The following MLKL variants were observed in gnomAD, a reference collection of about 807,000 sequenced individuals.
MLKL encodes mixed lineage kinase domain-like protein.
In MLKL, 55 loss-of-function variants were observed where a neutral mutation model predicts 56.5. That is an observed-to-expected ratio of 0.97 (90% CI 0.78 to 1.22). The LOEUF (loss-of-function observed/expected upper bound fraction) is 1.22, where lower values mean the gene tolerates loss of function less well. Ranked by LOEUF, MLKL falls within the 50% of genes most tolerant of loss-of-function variation. The pLI is 0.00. For synonymous variants in MLKL, 251 were observed against 208.3 expected, an observed-to-expected ratio of 1.20 and a Z score of -1.76; for missense variants, 694 against 573.9, an observed-to-expected ratio of 1.21 and a Z score of -2.14.
At chr16:74,673,828 C>G (rs1246268865) in intron 10 of MLKL, among the ~76,000 whole-genome samples, 1 of 151,828 alleles carries the variant, frequency 6.6e-6, no homozygotes, top group African/African-American at 2.4e-5. Context: ...GTTGTCCTAG[C>G]TACTCTAGAG....
In MLKL at chr16:74,672,322, T is replaced by C. The variant is rs1217739680; in HGVS notation, c.*182A>G. The C allele has an allele frequency of 7.4e-6, 4 of 542,170 alleles. No individual in the cohort carries two copies. The highest frequency in any genetic ancestry group is 5.6e-5 in the African/African-American group (3 of 53,532). The allele number at this position is 542,170 out of a possible 1,614,324, so 33.6% of individuals were successfully genotyped here. A position where few individuals can be genotyped will look rare whatever the true frequency, so the allele number is the denominator to read the frequency against. ...ACTGTCAGAGGTATGTTTTTGGAAATATCATTTGGAGTGGGATGTGTCCTG... is the reference window on the plus strand; with the variant it reads ...ACTGTCAGAGGTATGTTTTTGGAAACATCATTTGGAGTGGGATGTGTCCTG... On this transcript the variant is annotated 3_prime_UTR_variant, in exon 11 of 11. Transcript: ENST00000308807.
At chr16:74,697,417 G>A (rs1467586127) in intron 1 of MLKL, among the ~76,000 whole-genome samples, 3 of 152,036 alleles carry the variant, frequency 2.0e-5, no homozygotes, top group Admixed American at 6.6e-5. Flanking sequence ...TGCTTTATTT[G>A]CAACTGAAGC....
intron 5 of MLKL, among the ~76,000 whole-genome samples, chr16:74,683,394 G>C (rs188549522): frequency 6.6e-6 from 1 of 151,578 alleles, no homozygotes; most frequent in Admixed American, 6.6e-5. Context: ...CCAGGAGTTC[G>C]AGACCAGCCT....
chr16:74,683,292 CA>C (rs35354922), intron 5 of MLKL, among the ~76,000 whole-genome samples: 3,347 of 131,094 alleles, frequency 0.026, 60 homozygotes, highest in African/African-American at 0.051. Context: ...CACTACATCT[CA>C]AAAAAAAAAA....
intron 10 of MLKL, 52 bp from the exon 11 acceptor site, chr16:74,672,590 G>C: frequency 4.6e-6 from 7 of 1,527,176 alleles, no homozygotes; most frequent in Non-Finnish European, 5.4e-6. Flanking sequence ...TGAGAGCCAA[G>C]TTAGAAACAC....
chr16:74,682,082 C>A (rs921556699), intron 6 of MLKL, among the ~76,000 whole-genome samples: 11 of 144,558 alleles, frequency 7.6e-5, no homozygotes, highest in Non-Finnish European at 1.4e-4. Context: ...CTTATCTCTA[C>A]AAAAAATATA....
chr16:74,672,692 G>T (rs1959305547), intron 10 of MLKL, among the ~76,000 whole-genome samples, 154 bp from the exon 11 acceptor site: 1 of 152,184 alleles, frequency 6.6e-6, no homozygotes, highest in South Asian at 2.1e-4. Flanking sequence ...ACACATTTGG[G>T]ATATAAAGTT....
In MLKL at chr16:74,691,204, A is replaced by G. The variant is rs1657704954; in HGVS notation, c.722+73T>C. The G allele has an allele frequency of 2.1e-6, 3 of 1,401,996 alleles. No homozygotes were observed. The South Asian group carries it at 4.2e-5, about 20-fold the overall frequency. The allele number at this position is 1,401,996 out of a possible 1,614,324, so 86.8% of individuals were successfully genotyped here. Reference sequence around the variant, plus strand: ...CAGGCTTCCTCATCTAAAAATGGAGACGATATCCCTCTCTCCTTGGAGAGT... The same window carrying G: ...CAGGCTTCCTCATCTAAAAATGGAGGCGATATCCCTCTCTCCTTGGAGAGT... On this transcript the variant is annotated intron_variant, in intron 4 of 10. Transcript: ENST00000308807.
intron 1 of MLKL, among the ~76,000 whole-genome samples, chr16:74,697,897 T>A (rs1961143997): frequency 6.6e-6 from 1 of 152,024 alleles, no homozygotes; most frequent in Non-Finnish European, 1.5e-5. Context: ...ATGGAACCAG[T>A]TTTCAAAGTA....
At chr16:74,689,273 C>A (rs1567613283) in intron 4 of MLKL, among the ~76,000 whole-genome samples, 4 of 151,978 alleles carry the variant, frequency 2.6e-5, no homozygotes, top group Admixed American at 1.3e-4. Flanking sequence ...TGCCACCATG[C>A]CCAGCTAATT....
chr16:74,685,472 G>T lies in MLKL; in HGVS notation c.820+14C>A. 1 of 1,603,056 alleles carries T rather than the reference G, an allele frequency of 6.2e-7. No individual in the cohort carries two copies. The highest frequency in any genetic ancestry group is 8.5e-7 in the Non-Finnish European group (1 of 1,170,330). ...GCCATCCAAAGCTTGACCAATCCTA[G>T]AAGCATTCCTTACCTGTTTCATCAA... is the stretch of plus-strand genomic sequence containing the variant. On this transcript the variant is annotated intron_variant, in intron 5 of 10. Coordinates refer to ENST00000308807, the MANE Select transcript of MLKL (RefSeq NM_152649.4).
At chr16:74,674,929 C>T in intron 10 of MLKL, 31 bp downstream of exon 10, 2 of 1,604,598 alleles carry the variant, frequency 1.2e-6, no homozygotes, top group East Asian at 4.5e-5. Context: ...AATGATGGGG[C>T]TCACGCTCTT....
Position 74,695,584 on chromosome 16 carries a change from T to G in MLKL, c.174A>C (p.Leu58Phe). 1 of 1,614,206 alleles carries G rather than the reference T, an allele frequency of 6.2e-7. No individual in the cohort carries two copies. The highest frequency in any genetic ancestry group is 8.5e-7 in the Non-Finnish European group (1 of 1,180,038). Residue 58 changes from leucine (L) to phenylalanine (F), a missense_variant, in exon 2 of 11, where the codon TTA becomes TTC. Leu to Phe is a conservative substitution (Grantham distance 22, BLOSUM62 0). Coordinates refer to ENST00000308807, the MANE Select transcript of MLKL (RefSeq NM_152649.4). Reference protein sequence around the residue: ...QGKRSVPSEKLTTAMNRFKAA... With the variant: ...QGKRSVPSEKFTTAMNRFKAA... The stretch of plus-strand genomic sequence containing the variant: ...CCTTGAAGCGGTTCATGGCTGTGGT[T>G]AACTTCTCAGAGGGCACGCTCCTCT...
At chr16:74,678,280 T>G (rs1056434854) in intron 7 of MLKL, 2 of 152,990 alleles carry the variant, frequency 1.3e-5, no homozygotes, top group African/African-American at 2.4e-5. Context: ...TCCTTAAACC[T>G]AACAAGATCC....
At chr16:74,684,495 T>G (rs1761897105) in intron 5 of MLKL, among the ~76,000 whole-genome samples, 2 of 148,372 alleles carry the variant, frequency 1.3e-5, no homozygotes, top group African/African-American at 4.9e-5. Flanking sequence ...AAGTAATGGT[T>G]TTTTTTTTTG....
At chr16:74,677,124 C>G (rs537237675) in intron 7 of MLKL, 44 of 152,314 alleles carry the variant, frequency 2.9e-4, no homozygotes, top group African/African-American at 1.1e-3. Flanking sequence ...GCAATCTCAG[C>G]TCACTGCAAG....
chr16:74,689,233 G>A (rs1960519104), intron 4 of MLKL, among the ~76,000 whole-genome samples: 1 of 151,368 alleles, frequency 6.6e-6, no homozygotes, highest in South Asian at 2.1e-4. Context: ...TCCTGCCTCA[G>A]CCTCCCAAGT....
intron 3 of MLKL, 76 bp from the exon 4 acceptor site, chr16:74,691,539 T>G: frequency 1.4e-6 from 2 of 1,470,968 alleles, no homozygotes; most frequent in Non-Finnish European, 1.8e-6. Context: ...AGGTGGCATA[T>G]TTGTGATGTG....
chr16:74,691,886 ACTGT>A (rs1249825288), intron 3 of MLKL, among the ~76,000 whole-genome samples: 1 of 152,056 alleles, frequency 6.6e-6, no homozygotes, highest in Non-Finnish European at 1.5e-5. Flanking sequence ...TTGTGTGTTC[ACTGT>A]CTGTCTTTCC....
Sources: gnomAD v4.1 joint callset for allele counts (sites outside exome capture counted in the v4.1 genomes callset) on GRCh38, gnomAD v4.1.1 for gene constraint, MANE v1.5 for transcripts, NCBI Gene and HGNC (gene_info 2026-07-23, HGNC 2026-07-21) for gene names.